The following PCNX2 variants were observed in gnomAD, a reference collection of about 807,000 sequenced individuals.
The protein encoded by PCNX2 is pecanex 2.
PCNX2 carries 168 observed loss-of-function variants against 223.8 expected under a neutral mutation model. The ratio of observed to expected loss-of-function variants is 0.75; its 90% CI spans 0.66 to 0.85. The LOEUF (loss-of-function observed/expected upper bound fraction) is 0.85, where lower values mean the gene tolerates loss of function less well. PCNX2 is among the 40% of genes least tolerant of loss of function. The pLI is 0.00. For synonymous variants in PCNX2, 1,006 were observed against 1,052.6 expected, an observed-to-expected ratio of 0.96 and a Z score of 0.86; for missense variants, 2,507 against 2,675.5, an observed-to-expected ratio of 0.94 and a Z score of 1.39.
At chr1:233,190,349 A>C (rs1472359001) in intron 15 of PCNX2, among the ~76,000 whole-genome samples, 1 of 152,152 alleles carries the variant, frequency 6.6e-6, no homozygotes, top group Non-Finnish European at 1.5e-5. Flanking sequence ...CTTGTTTCCT[A>C]AGGACCCTCT....
rs913825218 is a variant in PCNX2, at chr1:232,998,523, G to A, written c.5604-85C>T. The A allele has an allele frequency of 5.4e-5, 80 of 1,477,392 alleles. 2 individuals are homozygous for A. The Middle Eastern group carries it at 1.9e-3, about 35-fold the overall frequency. The allele number at this position is 1,477,392 out of a possible 1,614,324, so 91.5% of individuals were successfully genotyped here. ...GCACCACCATGGCCTTGCCTAAATCGGGATCGAAGAGCGTGCTCTCCAGGT... is the reference window on the plus strand; with the variant it reads ...GCACCACCATGGCCTTGCCTAAATCAGGATCGAAGAGCGTGCTCTCCAGGT... On this transcript the variant is annotated intron_variant, in intron 31 of 33. Transcript: ENST00000258229.
intron 1 of PCNX2, chr1:233,288,821 T>C: frequency 1.3e-6 from 1 of 760,908 alleles, no homozygotes; most frequent in Non-Finnish European, 2.1e-6. Flanking sequence ...TTTTTTTTTT[T>C]TTTTTACTGT....
At chr1:233,248,311 T>A (rs1028839492) in intron 8 of PCNX2, among the ~76,000 whole-genome samples, 11 of 152,026 alleles carry the variant, frequency 7.2e-5, no homozygotes, top group Non-Finnish European at 1.0e-4. Context: ...CAGCTGTGTG[T>A]GTGTACGTAA....
intron 21 of PCNX2, among the ~76,000 whole-genome samples, chr1:233,134,534 AAAAAG>A (rs1303735645): frequency 1.3e-5 from 2 of 152,166 alleles, no homozygotes; most frequent in East Asian, 3.9e-4. Context: ...TCTCAAGAGG[AAAAAG>A]AAAAGAAAAC....
chr1:233,191,300 G>A lies in PCNX2; in HGVS notation c.3066+7639C>T, dbSNP rs974948519. Among the ~76,000 whole-genome samples the A allele has an allele frequency of 2.6e-5, 4 of 152,086 alleles. No individual in the cohort carries two copies. The East Asian group carries it at 5.8e-4, about 22-fold the overall frequency. ...ATTGCTGAACAAATAAATATGTGTCGACTATCACAGAATACGAACGTTTCA... is the reference window on the plus strand; with the variant it reads ...ATTGCTGAACAAATAAATATGTGTCAACTATCACAGAATACGAACGTTTCA... On this transcript the variant is annotated intron_variant, in intron 15 of 33. Transcript: ENST00000258229.
intron 28 of PCNX2, among the ~76,000 whole-genome samples, chr1:233,006,928 T>C (rs1209998720): frequency 6.6e-6 from 1 of 151,958 alleles, no homozygotes; most frequent in South Asian, 2.1e-4. Flanking sequence ...CAGGCTCAGA[T>C]AGCATCTCCA....
chr1:233,002,057 G>A (rs769633763), intron 28 of PCNX2, among the ~76,000 whole-genome samples: 3 of 152,156 alleles, frequency 2.0e-5, no homozygotes, highest in Non-Finnish European at 4.4e-5. Flanking sequence ...CCCCAGAGAC[G>A]ATGATGCTAA....
chr1:233,245,591 G>A (rs758993103), intron 8 of PCNX2, among the ~76,000 whole-genome samples: 3 of 152,190 alleles, frequency 2.0e-5, no homozygotes, highest in Non-Finnish European at 2.9e-5. Flanking sequence ...AGCCAACCAC[G>A]CACAACCTGT....
Position 233,236,475 on chromosome 1 carries a change from G to A in PCNX2, c.2358+370C>T, listed in dbSNP as rs113137976. 1.6e-3 allele frequency among the ~76,000 whole-genome samples: 235 copies of A among 150,848 alleles called. 2 individuals are homozygous for A. The highest frequency in any genetic ancestry group is 5.0e-3 in the African/African-American group (201 of 40,442). On this transcript the variant is annotated intron_variant, in intron 9 of 33. Transcript: ENST00000258229. Reference sequence around the variant, plus strand: ...AATCTTTGAATATTTAATATACAAGGCAATAATACATTAAAAAAAAAAAGA... The same window carrying A: ...AATCTTTGAATATTTAATATACAAGACAATAATACATTAAAAAAAAAAAGA...
At chr1:233,142,869 T>C (rs915503098) in intron 19 of PCNX2, among the ~76,000 whole-genome samples, 3 of 152,154 alleles carry the variant, frequency 2.0e-5, no homozygotes, top group African/African-American at 4.8e-5. Flanking sequence ...CATCCCCAGC[T>C]TGTGCTCAAA....
chr1:233,025,870 C>A (rs968143816), intron 25 of PCNX2, among the ~76,000 whole-genome samples: 2 of 152,160 alleles, frequency 1.3e-5, no homozygotes, highest in African/African-American at 4.8e-5. Flanking sequence ...GGTAGTTGTT[C>A]CTATTATTTT....
chr1:233,281,093 T>A (rs1218458447), intron 1 of PCNX2, among the ~76,000 whole-genome samples: 1 of 152,208 alleles, frequency 6.6e-6, no homozygotes, highest in Non-Finnish European at 1.5e-5. Flanking sequence ...ATTGCCTGTG[T>A]ACACAGTCGG....
chr1:233,090,997 T>C (rs532835444), intron 22 of PCNX2, among the ~76,000 whole-genome samples: 2 of 152,280 alleles, frequency 1.3e-5, no homozygotes, highest in Non-Finnish European at 2.9e-5. Flanking sequence ...TCCCTTCAGG[T>C]CTCACTCCAT....
chr1:233,260,078 C>G (rs1659968566), intron 4 of PCNX2, among the ~76,000 whole-genome samples: 1 of 152,114 alleles, frequency 6.6e-6, no homozygotes, highest in Non-Finnish European at 1.5e-5. Context: ...GGAACCAAAT[C>G]CCCTAAAATA....
chr1:233,025,873 A>G (rs187822175), intron 25 of PCNX2, among the ~76,000 whole-genome samples: 6 of 152,338 alleles, frequency 3.9e-5, no homozygotes, highest in African/African-American at 1.4e-4. Flanking sequence ...AGTTGTTCCT[A>G]TTATTTTTAC....
At chr1:233,086,546 C>T (rs970912051) in intron 23 of PCNX2, among the ~76,000 whole-genome samples, 3 of 151,932 alleles carry the variant, frequency 2.0e-5, no homozygotes, top group Non-Finnish European at 2.9e-5. Context: ...TGGCGGGCAC[C>T]TATAGTCCCA....
At chr1:233,161,150 G>A (rs12060767) in intron 18 of PCNX2, 121 bp downstream of exon 18, 2 of 795,420 alleles carry the variant, frequency 2.5e-6, no homozygotes, top group Non-Finnish European at 4.2e-6. Context: ...AAGCCTCTCA[G>A]CGGGCATTTT....
chr1:233,107,866 G>A (rs1674889952), intron 21 of PCNX2, among the ~76,000 whole-genome samples: 1 of 152,162 alleles, frequency 6.6e-6, no homozygotes, highest in Admixed American at 6.5e-5. Flanking sequence ...CAGGATGAGA[G>A]AGGAAGTTGG....
Position 233,287,011 on chromosome 1 carries a change from G to A in PCNX2, c.153+8315C>T, listed in dbSNP as rs115669170. Among the ~76,000 whole-genome samples the A allele has an allele frequency of 6.4e-3, 976 of 152,290 alleles. 12 individuals are homozygous for A. The highest frequency in any genetic ancestry group is 0.022 in the African/African-American group (920 of 41,554). ...AGCCATCATAAAATTTGTATAAGCT[G>A]TGATGTGAAGTCATGGGCGTTACCC... On this transcript the variant is annotated intron_variant, in intron 1 of 33. Transcript: ENST00000258229.
Sources: gnomAD v4.1 joint callset for allele counts (sites outside exome capture counted in the v4.1 genomes callset) on GRCh38, gnomAD v4.1.1 for gene constraint, MANE v1.5 for transcripts, NCBI Gene and HGNC (gene_info 2026-07-23, HGNC 2026-07-21) for gene names.